The following PGPEP1L variants were observed in gnomAD, a reference collection of about 807,000 sequenced individuals.
PGPEP1L encodes pyroglutamyl-peptidase 1-like protein.
Under a neutral mutation model 6.0 loss-of-function variants are expected in PGPEP1L, and 7 were observed. The observed-to-expected ratio is 1.17, with a 90% CI of 0.66 to 2.19. PGPEP1L has a LOEUF of 2.19. Ranked by LOEUF, PGPEP1L falls within the 30% of genes most tolerant of loss-of-function variation. The probability of loss-of-function intolerance (pLI) is 0.00; values close to 1 mark genes in which losing one functional copy is unlikely to be tolerated. For missense variants in PGPEP1L, 209 were observed against 192.5 expected, an observed-to-expected ratio of 1.09 and a Z score of -0.51; for synonymous variants, 103 against 83.9, an observed-to-expected ratio of 1.23 and a Z score of -1.24.
chr15:98,984,561 C>A (rs566483734), intron 2 of PGPEP1L, among the ~76,000 whole-genome samples: 2 of 152,202 alleles, frequency 1.3e-5, no homozygotes, highest in Non-Finnish European at 2.9e-5. Flanking sequence ...ATTTCTATAT[C>A]CGTGTAATGG....
intron 2 of PGPEP1L, among the ~76,000 whole-genome samples, chr15:98,982,762 G>C (rs2017685919): frequency 7.5e-6 from 1 of 133,876 alleles, no homozygotes; most frequent in Non-Finnish European, 1.6e-5. Context: ...CCAGGCTGGA[G>C]TGCGGGGGCA....
intron 2 of PGPEP1L, among the ~76,000 whole-genome samples, chr15:98,980,458 A>G (rs199989382): frequency 2.4e-5 from 3 of 127,014 alleles, no homozygotes; most frequent in Non-Finnish European, 5.2e-5. Flanking sequence ...GACTACATAC[A>G]TAAGTAAACA....
chr15:98,979,659 T>C (rs2017628624), intron 2 of PGPEP1L, among the ~76,000 whole-genome samples: 1 of 101,228 alleles, frequency 9.9e-6, no homozygotes, highest in African/African-American at 3.7e-5. Flanking sequence ...TTTTTTTTTT[T>C]TTTTTTTTGG....
intron 2 of PGPEP1L, among the ~76,000 whole-genome samples, chr15:98,988,509 A>T (rs546910653): frequency 5.3e-5 from 8 of 152,280 alleles, no homozygotes; most frequent in Admixed American, 3.3e-4. Flanking sequence ...ATATAGCTAA[A>T]ACCCCCATCT....
intron 2 of PGPEP1L, among the ~76,000 whole-genome samples, chr15:98,997,008 G>A (rs1313475220): frequency 6.6e-6 from 1 of 152,180 alleles, no homozygotes; most frequent in Non-Finnish European, 1.5e-5. Context: ...CTTGTCTTGG[G>A]TCTCGCAGCT....
intron 2 of PGPEP1L, among the ~76,000 whole-genome samples, chr15:98,971,664 A>C (rs927239653): frequency 6.6e-6 from 1 of 152,250 alleles, no homozygotes; most frequent in African/African-American, 2.4e-5. Context: ...TAAAGGGTTC[A>C]ACTTGAAAGA....
intron 4 of PGPEP1L, 89 bp downstream of exon 4, chr15:98,969,336 T>C: frequency 6.5e-7 from 1 of 1,536,070 alleles, no homozygotes; most frequent in East Asian, 2.3e-5. Flanking sequence ...AGCTGGACGA[T>C]ACAGGATGGC....
intron 2 of PGPEP1L, among the ~76,000 whole-genome samples, chr15:98,988,300 G>C (rs1488493309): frequency 6.6e-6 from 1 of 152,042 alleles, no homozygotes; most frequent in Non-Finnish European, 1.5e-5. Flanking sequence ...TGAGCTTGGT[G>C]GGGGGGAGGG....
At chr15:98,980,517 C>A (rs1391531570) in intron 2 of PGPEP1L, among the ~76,000 whole-genome samples, 2 of 152,216 alleles carry the variant, frequency 1.3e-5, no homozygotes, top group African/African-American at 4.8e-5. Flanking sequence ...CATGCACTTG[C>A]ACTCCCAGTA....
intron 2 of PGPEP1L, 148 bp downstream of exon 2, chr15:99,005,281 G>A (rs1173000874): frequency 5.9e-5 from 9 of 152,262 alleles, no homozygotes; most frequent in African/African-American, 1.7e-4. Context: ...CAGCAAGTTC[G>A]TTTCCATCTG....
chr15:99,005,585 G>C lies in PGPEP1L; in HGVS notation c.-298C>G, dbSNP rs1195846468. The C allele has an allele frequency of 6.6e-6, 1 of 152,326 alleles. No individual in the cohort carries two copies. Among genetic ancestry groups the C allele is most frequent in the Non-Finnish European group, 1.5e-5 (1 of 68,108 alleles). The allele number at this position is 152,326 out of a possible 1,614,324, so 9.4% of individuals were successfully genotyped here. ...TGGCCGCGTGCTCGCCGGGGACCGG[G>C]GTGGAGCGGGAGCCCAACCCCTCCT... On this transcript the variant is annotated 5_prime_UTR_variant, in exon 2 of 5. Coordinates refer to ENST00000535714, the MANE Select transcript of PGPEP1L (RefSeq NM_001167902.2).
In PGPEP1L at chr15:98,971,204, G is replaced by T. The variant is rs759725230; in HGVS notation, c.-141-46C>A. Reference sequence around the variant, plus strand: ...ACTTGCCTCAGTTGATGGGGGGGGGGGGGGGGTGGGCACCAAGAGTCCCTG... The same window carrying T: ...ACTTGCCTCAGTTGATGGGGGGGGGTGGGGGGTGGGCACCAAGAGTCCCTG... On this transcript the variant is annotated intron_variant, in intron 2 of 4. Transcript: ENST00000535714. The T allele has an allele frequency of 2.6e-4, 85 of 324,752 alleles. 3 individuals are homozygous for T. Among genetic ancestry groups the T allele is most frequent in the Middle Eastern group, 2.0e-3 (2 of 980 alleles). The allele number at this position is 324,752 out of a possible 1,614,324, so 20.1% of individuals were successfully genotyped here.
rs541457053 is a variant in PGPEP1L, at chr15:99,007,728, G to C, written c.-739C>G. ...GACCCAAACAGTAAGCAGCAGCAAC[G>C]GTTATTGCAAACAAGCAAAACAACA... On this transcript the variant is annotated 5_prime_UTR_variant, in exon 1 of 5. Coordinates refer to ENST00000535714, the MANE Select transcript of PGPEP1L (RefSeq NM_001167902.2). 1 of 152,216 alleles carries C rather than the reference G, an allele frequency of 6.6e-6. No individual in the cohort carries two copies. The highest frequency in any genetic ancestry group is 6.5e-5 in the Admixed American group (1 of 15,278). The allele number at this position is 152,216 out of a possible 1,614,324, so 9.4% of individuals were successfully genotyped here. A position where few individuals can be genotyped will look rare whatever the true frequency, so the allele number is the denominator to read the frequency against.
intron 2 of PGPEP1L, among the ~76,000 whole-genome samples, chr15:98,981,052 T>A (rs2017651603): frequency 6.6e-6 from 1 of 152,182 alleles, no homozygotes; most frequent in African/African-American, 2.4e-5. Flanking sequence ...GTGCCCTTGA[T>A]CTGACAGGAT....
In PGPEP1L at chr15:98,979,630, A is replaced by ATTTTTTTTT. The variant is rs1882033817; in HGVS notation, c.-141-8473_-141-8472insAAAAAAAAA. Among the ~76,000 whole-genome samples, 4 of 105,926 alleles carry ATTTTTTTTT rather than the reference A, an allele frequency of 3.8e-5. 1 individual carries two copies. The highest frequency in any genetic ancestry group is 1.9e-5 in the Non-Finnish European group (1 of 53,868). The allele number at this position is 105,926 out of a possible 152,430, so 69.5% of individuals were successfully genotyped here. On this transcript the variant is annotated intron_variant, in intron 2 of 4. Coordinates refer to ENST00000535714, the MANE Select transcript of PGPEP1L (RefSeq NM_001167902.2). Reference sequence around the variant, plus strand: ...AGCAACCTGGATGGGATTGGAGACTATTCTTTTTTTTTTTTTTTTTTTTTT... The same window carrying ATTTTTTTTT: ...AGCAACCTGGATGGGATTGGAGACTATTTTTTTTTTTCTTTTTTTTTTTTTTTTTTTTTT...
chr15:99,003,288 A>T (rs1309613747), intron 2 of PGPEP1L, among the ~76,000 whole-genome samples: 3 of 151,344 alleles, frequency 2.0e-5, no homozygotes, highest in Non-Finnish European at 4.4e-5. Context: ...CACAAAAATC[A>T]CATTCTGCTT....
At chr15:98,984,928 G>A (rs2017725265) in intron 2 of PGPEP1L, among the ~76,000 whole-genome samples, 4 of 152,116 alleles carry the variant, frequency 2.6e-5, no homozygotes, top group Admixed American at 6.5e-5. Flanking sequence ...CCCTGGACGT[G>A]GGCCTGCCAG....
At chr15:99,007,096 G>C (rs553689908) in intron 1 of PGPEP1L, among the ~76,000 whole-genome samples, 16 of 152,294 alleles carry the variant, frequency 1.1e-4, no homozygotes, top group African/African-American at 3.6e-4. Flanking sequence ...TCTGAACCAG[G>C]AACAATTCCC....
intron 2 of PGPEP1L, among the ~76,000 whole-genome samples, chr15:98,996,455 A>G (rs1203875849): frequency 6.6e-6 from 1 of 152,068 alleles, no homozygotes; most frequent in Admixed American, 6.6e-5. Flanking sequence ...CACTCACCTC[A>G]GCCTGAAGCT....
Sources: gnomAD v4.1 joint callset for allele counts (sites outside exome capture counted in the v4.1 genomes callset) on GRCh38, gnomAD v4.1.1 for gene constraint, MANE v1.5 for transcripts, NCBI Gene and HGNC (gene_info 2026-07-23, HGNC 2026-07-21) for gene names.